Variants in UBXN8 observed in about 807,000 individuals in gnomAD.
UBXN8 encodes the protein UBX domain-containing protein 8.
A neutral mutation model predicts 32.1 loss-of-function variants in UBXN8; 27 were observed. That is an observed-to-expected ratio of 0.84 (90% CI 0.62 to 1.16). The LOEUF (loss-of-function observed/expected upper bound fraction) is 1.16. Among genes scored for constraint, UBXN8 ranks in the 50% most tolerant of loss-of-function variants. The probability of loss-of-function intolerance (pLI) is 0.00; values close to 1 mark genes in which losing one functional copy is unlikely to be tolerated. For missense variants in UBXN8, 306 were observed against 311.4 expected, an observed-to-expected ratio of 0.98 and a Z score of 0.13; for synonymous variants, 109 against 111.8, an observed-to-expected ratio of 0.98 and a Z score of 0.16.
In UBXN8 at chr8:30,749,378, C is replaced by G. The variant is rs183799666; in HGVS notation, c.89-2018C>G. 4.4e-3 allele frequency among the ~76,000 whole-genome samples: 602 copies of G among 136,606 alleles called. 3 individuals carry two copies. Among genetic ancestry groups the G allele is most frequent in the African/African-American group, 0.015 (531 of 35,288 alleles). The allele number at this position is 136,606 out of a possible 152,430, so 89.6% of individuals were successfully genotyped here. On this transcript the variant is annotated intron_variant, in intron 1 of 7. Transcript: ENST00000265616. ...ACTGCACTCCAGCCTGAGCAACAGA[C>G]TGAGGCTCCGTCTCAAAAAAAAAAA...
chr8:30,734,207 A>G (rs1385753559), intron 1 of UBXN8: 1 of 152,202 alleles, frequency 6.6e-6, no homozygotes, highest in Admixed American at 6.5e-5. Flanking sequence ...CCTCAATTAG[A>G]ATGGGATCCA....
intron 6 of UBXN8, among the ~76,000 whole-genome samples, chr8:30,761,291 C>G (rs1291615451): frequency 6.6e-6 from 1 of 151,736 alleles, no homozygotes; most frequent in Non-Finnish European, 1.5e-5. Flanking sequence ...GTCACCCAGG[C>G]TAGAGTGCAA....
At chr8:30,762,067 T>C (rs1805848871) in intron 6 of UBXN8, among the ~76,000 whole-genome samples, 1 of 150,702 alleles carries the variant, frequency 6.6e-6, no homozygotes, top group Non-Finnish European at 1.5e-5. Flanking sequence ...AAACCTTTTT[T>C]TTTTTTTTTT....
intron 7 of UBXN8, among the ~76,000 whole-genome samples, chr8:30,764,817 T>C (rs1805953855): frequency 1.3e-5 from 2 of 152,150 alleles, no homozygotes; most frequent in Admixed American, 1.3e-4. Context: ...TTTGGGAGGC[T>C]GAGGCAAGCG....
At chr8:30,760,435 A>ATTTT (rs199591642) in intron 5 of UBXN8, among the ~76,000 whole-genome samples, 181 of 42,316 alleles carry the variant, frequency 4.3e-3, no homozygotes, top group African/African-American at 0.018. Flanking sequence ...ATATATATAT[A>ATTTT]TATATATATT....
At chr8:30,752,262 C>T (rs1462849733) in intron 2 of UBXN8, among the ~76,000 whole-genome samples, 1 of 152,070 alleles carries the variant, frequency 6.6e-6, no homozygotes, top group Admixed American at 6.6e-5. Flanking sequence ...ACTTAGGCAC[C>T]TTTGTCTTTT....
chr8:30,732,224 G>A (rs922404300), upstream of UBXN8: 10 of 383,786 alleles, frequency 2.6e-5, no homozygotes, highest in Non-Finnish European at 4.6e-5. Context: ...GACCTAGGCT[G>A]CGTGTTGCTC....
At chr8:30,763,419 G>C in intron 7 of UBXN8, 72 bp downstream of exon 7, 1 of 1,419,208 alleles carries the variant, frequency 7.0e-7, no homozygotes, top group African/African-American at 1.4e-5. Context: ...CATGCCGTGG[G>C]GGAAGGTGTG....
upstream of UBXN8, among the ~76,000 whole-genome samples, chr8:30,742,287 A>G (rs1442201042): frequency 1.3e-5 from 2 of 152,206 alleles, no homozygotes; most frequent in Admixed American, 1.3e-4. Context: ...TAAAGTTCTT[A>G]GCCTATATAC....
chr8:30,743,154 CTTTCTT>C (rs200921036), upstream of UBXN8, among the ~76,000 whole-genome samples: 101 of 75,490 alleles, frequency 1.3e-3, no homozygotes, highest in East Asian at 0.016. Context: ...TAATTTCTTT[CTTTCTT>C]TTTTTTTTTT....
upstream of UBXN8, among the ~76,000 whole-genome samples, chr8:30,743,466 T>A (rs187157710): frequency 3.4e-4 from 52 of 152,236 alleles, 1 homozygote; most frequent in Admixed American, 2.9e-3. Context: ...GAAAGATAAT[T>A]TCCAAGTACG....
intron 7 of UBXN8, among the ~76,000 whole-genome samples, chr8:30,765,590 G>A (rs1361256258): frequency 6.6e-6 from 1 of 151,606 alleles, no homozygotes; most frequent in Non-Finnish European, 1.5e-5. Context: ...GTCTTGCTCT[G>A]TCACCCAGGC....
intron 3 of UBXN8, 118 bp downstream of exon 3, chr8:30,753,223 G>A (rs1402645393): frequency 2.3e-6 from 3 of 1,287,498 alleles, no homozygotes; most frequent in African/African-American, 3.1e-5. Flanking sequence ...TATATAATGA[G>A]GTCAAATTCA....
At chr8:30,731,648 C>G (rs926969252), upstream of UBXN8, among the ~76,000 whole-genome samples, 9 of 152,000 alleles carry the variant, frequency 5.9e-5, no homozygotes, top group Non-Finnish European at 1.3e-4. Context: ...AAGACCAGCT[C>G]TGGCTAAGCG....
chr8:30,761,862 A>G (rs976865871), intron 6 of UBXN8, among the ~76,000 whole-genome samples: 1 of 152,062 alleles, frequency 6.6e-6, no homozygotes, highest in Non-Finnish European at 1.5e-5. Flanking sequence ...CTGATCCCCA[A>G]CTGTGTCAAG....
chr8:30,751,041 A>C (rs1218702140), intron 1 of UBXN8, among the ~76,000 whole-genome samples: 1 of 152,162 alleles, frequency 6.6e-6, no homozygotes, highest in Admixed American at 6.6e-5. Context: ...GCCATTTTAT[A>C]TCAGGGACTT....
At chr8:30,748,081 A>G (rs1805414495) in intron 1 of UBXN8, among the ~76,000 whole-genome samples, 1 of 150,044 alleles carries the variant, frequency 6.7e-6, no homozygotes, top group Non-Finnish European at 1.5e-5. Context: ...CTACTGTGTA[A>G]AAACCTTTAT....
upstream of UBXN8, among the ~76,000 whole-genome samples, chr8:30,742,993 G>A (rs1389878208): frequency 6.6e-6 from 1 of 151,966 alleles, no homozygotes; most frequent in African/African-American, 2.4e-5. Context: ...GAGTTGTAGA[G>A]TACCAAACTG....
intron 2 of UBXN8, 141 bp from the exon 3 acceptor site, chr8:30,752,894 A>G (rs1805551576): frequency 4.1e-6 from 4 of 983,598 alleles, no homozygotes; most frequent in Non-Finnish European, 5.5e-6. Context: ...CAACCCAAAC[A>G]TAAATGACAA....
Sources: allele counts gnomAD v4.1 joint callset (sites outside exome capture counted in the v4.1 genomes callset), GRCh38; gene constraint gnomAD v4.1.1; transcripts MANE v1.5; gene names NCBI Gene and HGNC (gene_info 2026-07-23, HGNC 2026-07-21).